COL23A1: variants seen among roughly 807,000 people sequenced by gnomAD.
COL23A1 encodes the protein collagen type XXIII alpha 1 chain.
Under a neutral mutation model 99.3 loss-of-function variants are expected in COL23A1, and 97 were observed. The ratio of observed to expected loss-of-function variants is 0.98; its 90% confidence interval spans 0.83 to 1.16. The LOEUF (loss-of-function observed/expected upper bound fraction) is 1.16. COL23A1 is among the 50% of genes most tolerant of loss of function. The pLI, the probability that COL23A1 is intolerant of heterozygous loss-of-function variation, is 0.00. For synonymous variants in COL23A1, 320 were observed against 308.2 expected, an observed-to-expected ratio of 1.04 and a Z score of -0.40; for missense variants, 762 against 757.4, an observed-to-expected ratio of 1.01 and a Z score of -0.07.
chr5:178,417,585 C>A (rs996177779), intron 2 of COL23A1, among the ~76,000 whole-genome samples: 3 of 152,136 alleles, frequency 2.0e-5, no homozygotes, highest in Non-Finnish European at 2.9e-5. Flanking sequence ...AGCAGAAAAC[C>A]ACAGGATCCA....
chr5:178,338,722 T>C (rs891550225), intron 2 of COL23A1, among the ~76,000 whole-genome samples: 2 of 151,554 alleles, frequency 1.3e-5, no homozygotes, highest in Non-Finnish European at 2.9e-5. Flanking sequence ...TCCAGATGAT[T>C]TGGTTAATGG....
chr5:178,401,681 G>A (rs1341906449), intron 2 of COL23A1, among the ~76,000 whole-genome samples: 2 of 152,234 alleles, frequency 1.3e-5, no homozygotes, highest in Non-Finnish European at 2.9e-5. Context: ...AGTCATAGAA[G>A]TAGATGTTTA....
chr5:178,259,654 G>T, intron 12 of COL23A1, 67 bp downstream of exon 12: 1 of 943,600 alleles, frequency 1.1e-6, no homozygotes, highest in Non-Finnish European at 1.6e-6. Context: ...TTCCGTCCCA[G>T]CCCCTGCCCT....
At chr5:178,342,764 G>T (rs1760739552) in intron 2 of COL23A1, among the ~76,000 whole-genome samples, 1 of 150,308 alleles carries the variant, frequency 6.7e-6, no homozygotes, top group South Asian at 2.1e-4. Flanking sequence ...ACTTAAAACT[G>T]ATTAAAGTCT....
intron 2 of COL23A1, among the ~76,000 whole-genome samples, chr5:178,441,334 A>AT (rs1190614289): frequency 6.6e-6 from 1 of 152,218 alleles, no homozygotes; most frequent in Non-Finnish European, 1.5e-5. Context: ...ATACACGTGC[A>AT]TTTTTTAGAG....
intron 2 of COL23A1, among the ~76,000 whole-genome samples, chr5:178,514,726 T>A (rs182007972): frequency 2.0e-5 from 3 of 152,148 alleles, no homozygotes; most frequent in Admixed American, 1.3e-4. Flanking sequence ...CACAGAAAAA[T>A]CTAAATTTGT....
rs1428519255 is a variant in COL23A1, at chr5:178,261,762, A to C, written c.676-14T>G. 6.2e-7 allele frequency: 1 copy of C among 1,603,160 alleles called. No homozygotes were observed. The highest frequency in any genetic ancestry group is 1.1e-5 in the South Asian group (1 of 90,886). On this transcript the variant is annotated splice_polypyrimidine_tract_variant and intron_variant, in intron 10 of 28. Transcript: ENST00000390654. The stretch of plus-strand genomic sequence containing the variant: ...TCCCTTTGGGCCCTGGAACAAGAGA[A>C]GAGAAGGTGTTAAATGTCATACTGG...
At chr5:178,425,467 A>AAATAAATAT (rs1765874227) in intron 2 of COL23A1, among the ~76,000 whole-genome samples, 1 of 150,396 alleles carries the variant, frequency 6.6e-6, no homozygotes, top group Non-Finnish European at 1.5e-5. Context: ...ATAAATAAAT[A>AAATAAATAT]AAAATAAAAT....
At chr5:178,325,179 G>A (rs1759575667) in intron 2 of COL23A1, among the ~76,000 whole-genome samples, 1 of 152,180 alleles carries the variant, frequency 6.6e-6, no homozygotes, top group African/African-American at 2.4e-5. Context: ...CTCCAGGGTC[G>A]CTGCCTCCCC....
intron 2 of COL23A1, among the ~76,000 whole-genome samples, chr5:178,440,391 C>T (rs1379848557): frequency 6.6e-6 from 1 of 152,194 alleles, no homozygotes; most frequent in Admixed American, 6.5e-5. Context: ...CATCCTTCAA[C>T]ACTCTGGGCA....
At chr5:178,459,614 T>C (rs1756003410) in intron 2 of COL23A1, among the ~76,000 whole-genome samples, 2 of 152,068 alleles carry the variant, frequency 1.3e-5, no homozygotes, top group South Asian at 4.1e-4. Context: ...ATACAAAACT[T>C]AGTCGGGCGT....
At chr5:178,579,820 C>T (rs982303868) in intron 1 of COL23A1, among the ~76,000 whole-genome samples, 1 of 152,190 alleles carries the variant, frequency 6.6e-6, no homozygotes, top group African/African-American at 2.4e-5. Flanking sequence ...TGTCCACACT[C>T]GCAGAAAAAG....
At chr5:178,556,046 T>G (rs991538498) in intron 2 of COL23A1, among the ~76,000 whole-genome samples, 2 of 152,128 alleles carry the variant, frequency 1.3e-5, no homozygotes, top group Non-Finnish European at 2.9e-5. Flanking sequence ...CTTCCCTCCA[T>G]CACAGCACAC....
chr5:178,462,919 G>A (rs1048492451), intron 2 of COL23A1, among the ~76,000 whole-genome samples: 5 of 152,214 alleles, frequency 3.3e-5, no homozygotes, highest in Admixed American at 2.0e-4. Context: ...ACTGCGGAAC[G>A]AGGAGGAGAG....
chr5:178,571,578 A>C (rs746139779), intron 1 of COL23A1, among the ~76,000 whole-genome samples: 7 of 143,978 alleles, frequency 4.9e-5, no homozygotes, highest in Non-Finnish European at 3.0e-5. Flanking sequence ...TCATGAGGTA[A>C]AAGTCATCAT....
chr5:178,367,336 T>C (rs192553202), intron 2 of COL23A1, among the ~76,000 whole-genome samples: 8 of 152,216 alleles, frequency 5.3e-5, no homozygotes, highest in Non-Finnish European at 8.8e-5. Flanking sequence ...CCTCTCTGTG[T>C]GCCCGTTTCT....
chr5:178,264,780 C>A (rs997490354), intron 8 of COL23A1, among the ~76,000 whole-genome samples: 1 of 152,150 alleles, frequency 6.6e-6, no homozygotes, highest in South Asian at 2.1e-4. Flanking sequence ...CCTCAGCCTC[C>A]CGAGTAGGTG....
intron 2 of COL23A1, among the ~76,000 whole-genome samples, chr5:178,550,747 G>T (rs918277949): frequency 6.6e-6 from 1 of 152,000 alleles, no homozygotes; most frequent in Admixed American, 6.6e-5. Context: ...TGGCATAGGG[G>T]GGCGTGTGAT....
rs545053488 is a variant in COL23A1 at position 178,490,903 on chromosome 5, C to A, written c.361+69779G>T. Among the ~76,000 whole-genome samples, 2 of 152,136 alleles carry A rather than the reference C, an allele frequency of 1.3e-5. 1 individual carries two copies. The highest frequency in any genetic ancestry group is 6.3e-3 in the Middle Eastern group (2 of 316). Reference sequence around the variant, plus strand: ...TGAATTTTACTGCATGTAAATTATACCTCGAGGAGCTTGACTTTAAAACAA... The same window carrying A: ...TGAATTTTACTGCATGTAAATTATAACTCGAGGAGCTTGACTTTAAAACAA... On this transcript the variant is annotated intron_variant, in intron 2 of 28. Coordinates refer to ENST00000390654, the MANE Select transcript of COL23A1 (RefSeq NM_173465.4).
Sources: allele counts gnomAD v4.1 joint callset (sites outside exome capture counted in the v4.1 genomes callset), GRCh38; gene constraint gnomAD v4.1.1; transcripts MANE v1.5; gene names NCBI Gene and HGNC (gene_info 2026-07-23, HGNC 2026-07-21).